SBSPON: variants seen among roughly 807,000 people sequenced by gnomAD.
SBSPON encodes the protein somatomedin B and thrombospondin type 1 domain containing.
In SBSPON, 30 loss-of-function variants were observed where a neutral mutation model predicts 35.8. The observed-to-expected ratio is 0.84, with a 90% CI of 0.63 to 1.14. The LOEUF is 1.14. Among genes scored for constraint, SBSPON ranks in the 50% most tolerant of loss-of-function variants. SBSPON has a pLI of 0.00. For missense variants in SBSPON, 364 were observed against 357.7 expected (o/e 1.02, Z -0.14); for synonymous variants, 136 against 135.9 (o/e 1.00, Z 0.00).
At chr8:73,071,085 G>C (rs1384698018) in intron 3 of SBSPON, among the ~76,000 whole-genome samples, 1 of 152,104 alleles carries the variant, frequency 6.6e-6, no homozygotes, top group Non-Finnish European at 1.5e-5. Flanking sequence ...TCAAACCCCT[G>C]GGCTCAAGCA....
chr8:73,076,916 GT>G (rs1212182438), intron 2 of SBSPON, among the ~76,000 whole-genome samples: 1 of 151,816 alleles, frequency 6.6e-6, no homozygotes, highest in East Asian at 1.9e-4. Context: ...TTTTTGTTTT[GT>G]TTTTTTGAGA....
rs1428671860 is a variant in SBSPON at position 73,065,910 on chromosome 8, C to A, written c.*1431G>T. ...AAGTTGCTAGCCTTGATGAGACTCA[C>A]ATATTTTATTATTAATTTCTGAAGA... On this transcript the variant is annotated 3_prime_UTR_variant, in exon 5 of 5. Transcript: ENST00000297354. 1 of 152,050 alleles carries A rather than the reference C, an allele frequency of 6.6e-6. No individual in the cohort carries two copies. Among genetic ancestry groups the A allele is most frequent in the Non-Finnish European group, 1.5e-5 (1 of 68,032 alleles). 9.4% of individuals were successfully genotyped at this position (152,050 alleles called of 1,614,324 possible).
At chr8:73,080,138 C>G (rs1001527929) in intron 2 of SBSPON, among the ~76,000 whole-genome samples, 2 of 152,118 alleles carry the variant, frequency 1.3e-5, no homozygotes, top group African/African-American at 4.8e-5. Flanking sequence ...ATTGGCCACT[C>G]CAAAACCAGA....
chr8:73,080,592 C>T (rs758021565), intron 2 of SBSPON, among the ~76,000 whole-genome samples: 2 of 152,088 alleles, frequency 1.3e-5, no homozygotes, highest in Non-Finnish European at 2.9e-5. Flanking sequence ...TTTCCACATG[C>T]GTGAGTGTGC....
chr8:73,068,866 G>A (rs1810441564), intron 4 of SBSPON, among the ~76,000 whole-genome samples: 2 of 152,132 alleles, frequency 1.3e-5, no homozygotes, highest in Admixed American at 1.3e-4. Context: ...ATGTTTTAAA[G>A]TGTTAAAATC....
chr8:73,074,390 C>CT (rs1307229881), intron 2 of SBSPON: 9 of 158,544 alleles, frequency 5.7e-5, no homozygotes, highest in African/African-American at 1.9e-4. Flanking sequence ...AGGGACAACT[C>CT]TAAGTCACTT....
At chr8:73,082,499 TC>T (rs1810726988) in intron 1 of SBSPON, among the ~76,000 whole-genome samples, 1 of 152,170 alleles carries the variant, frequency 6.6e-6, no homozygotes, top group Admixed American at 6.5e-5. Context: ...ATAAAAAGGG[TC>T]CCATGCAACA....
At chr8:73,079,677 C>A (rs1392081162) in intron 2 of SBSPON, among the ~76,000 whole-genome samples, 3 of 152,106 alleles carry the variant, frequency 2.0e-5, no homozygotes, top group African/African-American at 7.2e-5. Context: ...GGGGAATCAC[C>A]TGATTACACC....
chr8:73,077,520 C>G (rs561579559), intron 2 of SBSPON, among the ~76,000 whole-genome samples: 2 of 152,310 alleles, frequency 1.3e-5, no homozygotes, highest in East Asian at 3.9e-4. Context: ...TCCCAGAGCT[C>G]ACCACCGTGA....
At chr8:73,087,367 G>C (rs1810852047) in intron 1 of SBSPON, among the ~76,000 whole-genome samples, 1 of 152,180 alleles carries the variant, frequency 6.6e-6, no homozygotes, top group Non-Finnish European at 1.5e-5. Flanking sequence ...AGGGATCCAA[G>C]TAAGTTAATA....
chr8:73,092,183 A>C (rs1810947913), intron 1 of SBSPON, among the ~76,000 whole-genome samples: 1 of 152,220 alleles, frequency 6.6e-6, no homozygotes, highest in Admixed American at 6.5e-5. Flanking sequence ...AACCAGCAAG[A>C]TTACAACATA....
chr8:73,068,515 G>A (rs1276475939), intron 4 of SBSPON, among the ~76,000 whole-genome samples: 2 of 152,128 alleles, frequency 1.3e-5, no homozygotes, highest in Non-Finnish European at 2.9e-5. Context: ...CCCAATAGTT[G>A]CCCAGCACGA....
At chr8:73,071,708 T>C (rs1158539914) in intron 3 of SBSPON, 72 bp downstream of exon 3, 6 of 852,692 alleles carry the variant, frequency 7.0e-6, no homozygotes, top group African/African-American at 1.7e-5. Flanking sequence ...ATAAACCAAG[T>C]TGACCCTCTT....
At position 73,064,934 on chromosome 8, in the gene SBSPON, A is replaced by C. The variant is rs1382605717; in HGVS notation, c.*2407T>G. On this transcript the variant is annotated 3_prime_UTR_variant, in exon 5 of 5. Transcript: ENST00000297354. The stretch of plus-strand genomic sequence containing the variant: ...AAATCTTTTTAGAGTGCCTGGGGAT[A>C]GGGCCCTAAGACTAAGGTACTTATT... The C allele has an allele frequency of 6.6e-6, 1 of 152,106 alleles. No homozygotes were observed. Among genetic ancestry groups the C allele is most frequent in the Non-Finnish European group, 1.5e-5 (1 of 68,002 alleles). 9.4% of individuals were successfully genotyped at this position (152,106 alleles called of 1,614,324 possible).
Position 73,071,753 on chromosome 8 carries a change from TAAAAAAA to T in SBSPON, c.500+20_500+26del. 7.8e-7 allele frequency: 1 copy of T among 1,286,936 alleles called. No homozygotes were observed. The highest frequency in any genetic ancestry group is 1.6e-5 in the African/African-American group (1 of 63,662). The allele number at this position is 1,286,936 out of a possible 1,614,324, so 79.7% of individuals were successfully genotyped here. A position where few individuals can be genotyped will look rare whatever the true frequency, so the allele number is the denominator to read the frequency against. ...TGACTATACAATTGAAAAACATGAT[TAAAAAAA>T]AAAAAAAACACGAAATTACCCAGCA... On this transcript the variant is annotated intron_variant, in intron 3 of 4. Coordinates refer to ENST00000297354, the MANE Select transcript of SBSPON (RefSeq NM_153225.4).
Position 73,064,736 on chromosome 8 carries a change from A to T in SBSPON, c.*2605T>A, listed in dbSNP as rs981008050. On this transcript the variant is annotated 3_prime_UTR_variant, in exon 5 of 5. Transcript: ENST00000297354. ...AGAATACTGTGATTATAGTTACCTT[A>T]TTCCTTTTTCTATTCTTTTTTTCCT... 6.6e-6 allele frequency: 1 copy of T among 151,930 alleles called. No homozygotes were observed. Among genetic ancestry groups the T allele is most frequent in the Non-Finnish European group, 1.5e-5 (1 of 67,992 alleles). The allele number at this position is 151,930 out of a possible 1,614,324, so 9.4% of individuals were successfully genotyped here.
At chr8:73,071,911 T>C (rs1280730494) in intron 2 of SBSPON, 41 bp from the exon 3 acceptor site, 2 of 1,305,890 alleles carry the variant, frequency 1.5e-6, no homozygotes, top group Admixed American at 3.4e-5. Context: ...GGAGCCAAAG[T>C]ACTCAGACCA....
In SBSPON at chr8:73,065,071, C is replaced by T. The variant is rs980654516; in HGVS notation, c.*2270G>A. The T allele has an allele frequency of 6.6e-6, 1 of 152,108 alleles. No individual in the cohort carries two copies. Among genetic ancestry groups the T allele is most frequent in the East Asian group, 1.9e-4 (1 of 5,190 alleles). 9.4% of individuals were successfully genotyped at this position (152,108 alleles called of 1,614,324 possible). On this transcript the variant is annotated 3_prime_UTR_variant, in exon 5 of 5. Transcript: ENST00000297354. ...CATGTTTCAGTTCTGAACTATTTCC[C>T]TTGGGCTTTGCTAAAATTAATAACA...
rs767468598 is a variant in SBSPON, at chr8:73,067,354, A to T, written c.782T>A (p.Phe261Tyr). The T allele has an allele frequency of 2.5e-6, 4 of 1,579,528 alleles. No homozygotes were observed. In the Admixed American group the frequency reaches 5.0e-5, roughly 20 times the overall value. ...DQCSCPAVHSFIFI is the reference protein window; with the variant it reads ...DQCSCPAVHSYIFI ...TTATATCACCATCTATATAAAAATA[A>T]AACTGTGAACAGCTGGACAAGAACA... Residue 261 changes from phenylalanine (F) to tyrosine (Y), a missense_variant, in exon 5 of 5, where the codon TTT becomes TAT. By Grantham distance (22) the Phe-to-Tyr change is conservative (BLOSUM62 3). Coordinates refer to ENST00000297354, the MANE Select transcript of SBSPON (RefSeq NM_153225.4).
Sources: gnomAD v4.1 joint callset for allele counts (sites outside exome capture counted in the v4.1 genomes callset) on GRCh38, gnomAD v4.1.1 for gene constraint, MANE v1.5 for transcripts, NCBI Gene and HGNC (gene_info 2026-07-23, HGNC 2026-07-21) for gene names.